Variants in ASNS observed in about 807,000 individuals in gnomAD.
ASNS encodes asparagine synthetase [glutamine-hydrolyzing].
ASNS carries 37 observed loss-of-function variants against 62.6 expected under a neutral mutation model. The ratio of observed to expected loss-of-function variants is 0.59; its 90% CI spans 0.45 to 0.78. ASNS has a LOEUF of 0.78. ASNS is among the 30% of genes least tolerant of loss of function. ASNS has a pLI of 0.00. For missense variants in ASNS, 520 were observed against 682.4 expected (o/e 0.76, Z 2.65); for synonymous variants, 207 against 237.9 (o/e 0.87, Z 1.19).
At chr7:97,925,000 G>C in the ASNS span, among the ~76,000 whole-genome samples, 1 of 152,094 alleles carries the variant, frequency 6.6e-6, no homozygotes, top group Non-Finnish European at 1.5e-5. Context: ...AGCCAGGTGT[G>C]GTGGTGGGCA....
At chr7:97,859,886 A>G (rs189861133) in intron 4 of ASNS, among the ~76,000 whole-genome samples, 81 of 152,340 alleles carry the variant, frequency 5.3e-4, no homozygotes, top group African/African-American at 1.9e-3. Context: ...CTTTAAAGTC[A>G]GATAAGAAGA....
chr7:97,857,049 C>T (rs1373262683), intron 7 of ASNS, among the ~76,000 whole-genome samples: 1 of 152,186 alleles, frequency 6.6e-6, no homozygotes, highest in Non-Finnish European at 1.5e-5. Flanking sequence ...TCCTCTGGTG[C>T]CAAGGCTTCA....
At chr7:97,912,418 TC>T in the ASNS span, among the ~76,000 whole-genome samples, 1 of 151,986 alleles carries the variant, frequency 6.6e-6, no homozygotes. Context: ...CCAAAGTGGC[TC>T]CCCCATTTAA....
intron 3 of ASNS, among the ~76,000 whole-genome samples, chr7:97,866,043 G>C (rs1395193373): frequency 6.6e-6 from 1 of 152,150 alleles, no homozygotes; most frequent in East Asian, 1.9e-4. Context: ...TCAAATTTCA[G>C]ATTTTCAGAT....
chr7:97,865,735 G>A (rs1584472841), intron 3 of ASNS, among the ~76,000 whole-genome samples: 1 of 152,156 alleles, frequency 6.6e-6, no homozygotes, highest in African/African-American at 2.4e-5. Context: ...CCACAGAGCA[G>A]AAAATAAGCA....
chr7:97,853,531 C>T (rs1791288631), intron 10 of ASNS, 145 bp from the exon 11 acceptor site: 3 of 611,484 alleles, frequency 4.9e-6, no homozygotes, highest in Non-Finnish European at 5.6e-6. Flanking sequence ...CTAATGACTG[C>T]CCTACACTAA....
chr7:97,896,741 C>CACATATATAT, the ASNS span, among the ~76,000 whole-genome samples: 41 of 19,770 alleles, frequency 2.1e-3, 1 homozygote, highest in African/African-American at 2.9e-3. Flanking sequence ...CACACACACA[C>CACATATATAT]ATATATATAT....
the ASNS span, among the ~76,000 whole-genome samples, chr7:97,880,325 T>C: frequency 6.6e-6 from 1 of 152,142 alleles, no homozygotes; most frequent in Non-Finnish European, 1.5e-5. Flanking sequence ...GGTTTACTCA[T>C]GTTCGCCAGG....
At chr7:97,862,529 T>G (rs1023807684) in intron 4 of ASNS, among the ~76,000 whole-genome samples, 14 of 152,154 alleles carry the variant, frequency 9.2e-5, no homozygotes, top group Non-Finnish European at 1.9e-4. Flanking sequence ...TACATAATAC[T>G]GTAATGGTGG....
chr7:97,872,449 C>T (rs1323091763), upstream of ASNS: 1 of 152,730 alleles, frequency 6.5e-6, no homozygotes, highest in Non-Finnish European at 1.5e-5. Flanking sequence ...CGACCTGGCT[C>T]CTGTAACGCG....
At chr7:97,907,693 C>A in the ASNS span, among the ~76,000 whole-genome samples, 3 of 151,370 alleles carry the variant, frequency 2.0e-5, no homozygotes, top group African/African-American at 2.4e-5. Flanking sequence ...GGTGTGAACC[C>A]AGGAGGCAGA....
the ASNS span, among the ~76,000 whole-genome samples, chr7:97,925,306 T>G: frequency 6.6e-6 from 1 of 152,118 alleles, no homozygotes; most frequent in Non-Finnish European, 1.5e-5. Flanking sequence ...AAGACCGCAT[T>G]GCTCATAAAG....
At chr7:97,910,851 T>C in the ASNS span, among the ~76,000 whole-genome samples, 19 of 152,268 alleles carry the variant, frequency 1.2e-4, no homozygotes, top group Admixed American at 1.1e-3. Context: ...CCACCTACCT[T>C]GGCCTCCCAA....
chr7:97,864,143 A>G (rs1791848879), intron 4 of ASNS, 116 bp downstream of exon 4: 1 of 897,468 alleles, frequency 1.1e-6, no homozygotes, highest in South Asian at 1.9e-5. Context: ...GTAAAGACTC[A>G]TAACTTAGTC....
chr7:97,883,685 G>A, the ASNS span, among the ~76,000 whole-genome samples: 3 of 152,106 alleles, frequency 2.0e-5, no homozygotes, highest in Non-Finnish European at 2.9e-5. Flanking sequence ...CTGCTGTGTC[G>A]GTTAACAATG....
At chr7:97,871,724 C>T (rs532836274) in intron 1 of ASNS, 1 of 152,210 alleles carries the variant, frequency 6.6e-6, no homozygotes, top group South Asian at 2.1e-4. Flanking sequence ...CAGACCTCTT[C>T]TCGGCAGGGT....
chr7:97,917,632 T>A, the ASNS span, among the ~76,000 whole-genome samples: 1 of 152,238 alleles, frequency 6.6e-6, no homozygotes, highest in African/African-American at 2.4e-5. Context: ...CAAGGGCCAC[T>A]GGCTCAGGAC....
At chr7:97,898,815 T>A in the ASNS span, 3 of 751,946 alleles carry the variant, frequency 4.0e-6, no homozygotes, top group African/African-American at 3.4e-5. Context: ...GTAAGATCCA[T>A]GCCATAGAAG....
chr7:97,869,133 A>G lies in ASNS; in HGVS notation c.24T>C (p.Phe8=), dbSNP rs766477166. 14 of 1,614,210 alleles carry G rather than the reference A, an allele frequency of 8.7e-6. No individual in the cohort carries two copies. Among genetic ancestry groups the G allele is most frequent in the Non-Finnish European group, 1.2e-5 (14 of 1,180,018 alleles). MCGIWAL[F]GSDDCLSVQC... ...GAACAGAAAGGCAATCATCACTGCC[A>G]AACAGCGCCCAAATGCCACACATGG... The change falls in exon 3 of 13, where the codon TTT becomes TTC. Residue 8 remains phenylalanine, a synonymous_variant. Transcript: ENST00000394308.
Sources: gnomAD v4.1 joint callset for allele counts (sites outside exome capture counted in the v4.1 genomes callset) on GRCh38, gnomAD v4.1.1 for gene constraint, MANE v1.5 for transcripts, NCBI Gene and HGNC (gene_info 2026-07-23, HGNC 2026-07-21) for gene names.